MCMBP: variants seen among roughly 807,000 people sequenced by gnomAD.
MCMBP encodes minichromosome maintenance complex binding protein, also known as mini-chromosome maintenance complex-binding protein.
Under a neutral mutation model 81.3 loss-of-function variants are expected in MCMBP, and 31 were observed. The observed-to-expected ratio is 0.38, with a 90% CI of 0.29 to 0.51. The LOEUF is 0.51. Among genes scored for constraint, MCMBP ranks in the 20% least tolerant of loss-of-function variants. MCMBP has a pLI of 0.87. For synonymous variants in MCMBP, 267 were observed against 275.9 expected (o/e 0.97, Z 0.32); for missense variants, 645 against 772.1 (o/e 0.84, Z 1.95).
intron 5 of MCMBP, among the ~76,000 whole-genome samples, chr10:119,854,355 T>C (rs1852943807): frequency 6.6e-6 from 1 of 151,582 alleles, no homozygotes; most frequent in Non-Finnish European, 1.5e-5. Flanking sequence ...TTTTTTAAAA[T>C]AAATTATTAA....
At chr10:119,843,065 T>C (rs893442400) in intron 9 of MCMBP, 189 bp downstream of exon 9, 4 of 632,296 alleles carry the variant, frequency 6.3e-6, no homozygotes, top group Non-Finnish European at 1.1e-5. Flanking sequence ...GTATACTCTT[T>C]TGTCCTCATT....
upstream of MCMBP, chr10:119,873,577 G>A (rs1213229618): frequency 6.6e-6 from 1 of 152,286 alleles, no homozygotes; most frequent in Non-Finnish European, 1.5e-5. Flanking sequence ...CCTGGAGAAG[G>A]AAGCTACGAA....
At chr10:119,867,411 C>G (rs552742913) in intron 1 of MCMBP, among the ~76,000 whole-genome samples, 6 of 147,392 alleles carry the variant, frequency 4.1e-5, no homozygotes, top group Non-Finnish European at 8.9e-5. Context: ...GTTATTATAA[C>G]TTAAAAACTC....
chr10:119,833,746 G>A (rs1030953944), intron 14 of MCMBP, among the ~76,000 whole-genome samples: 1 of 152,136 alleles, frequency 6.6e-6, no homozygotes. Flanking sequence ...GGGGATAAGG[G>A]AGTCAGTAGA....
chr10:119,849,375 T>G, intron 7 of MCMBP, 50 bp downstream of exon 7: 1 of 1,568,442 alleles, frequency 6.4e-7, no homozygotes, highest in Middle Eastern at 1.7e-4. Flanking sequence ...CTAAGCTACT[T>G]TCTGAGACAC....
At chr10:119,839,702 A>G (rs947997105) in intron 11 of MCMBP, among the ~76,000 whole-genome samples, 3 of 152,260 alleles carry the variant, frequency 2.0e-5, no homozygotes, top group Non-Finnish European at 2.9e-5. Context: ...GAATTTTACC[A>G]TAGCAGACTA....
chr10:119,847,611 A>C lies in MCMBP; in HGVS notation c.827+2T>G. The C allele has an allele frequency of 6.4e-7, 1 of 1,569,712 alleles. No individual in the cohort carries two copies. The highest frequency in any genetic ancestry group is 8.7e-7 in the Non-Finnish European group (1 of 1,146,538). On this transcript the variant is annotated splice_donor_variant, in intron 8 of 15. Transcript: ENST00000369077. LOFTEE classifies it high-confidence loss of function. ...GACCAAAAAAAGAGCACACAGACTC[A>C]CCTTTCATCATTATTCAGTATACTC...
chr10:119,842,176 C>T (rs1359934349), intron 10 of MCMBP, among the ~76,000 whole-genome samples: 2 of 152,134 alleles, frequency 1.3e-5, no homozygotes, highest in Non-Finnish European at 2.9e-5. Flanking sequence ...ATCCCCACTC[C>T]GGTCCATGGA....
intron 3 of MCMBP, 30 bp downstream of exon 3, chr10:119,859,011 C>A (rs1340639237): frequency 6.2e-7 from 1 of 1,611,848 alleles, no homozygotes. Flanking sequence ...AAAATTAATA[C>A]CACAAATTCA....
chr10:119,858,960 C>G (rs1589796372), intron 3 of MCMBP, 35 bp from the exon 4 acceptor site: 6 of 1,608,628 alleles, frequency 3.7e-6, no homozygotes, highest in Non-Finnish European at 4.2e-6. Context: ...AGAATTATAT[C>G]AATATATCTG....
chr10:119,873,126 A>T (rs1853776344), upstream of MCMBP, among the ~76,000 whole-genome samples: 1 of 152,062 alleles, frequency 6.6e-6, no homozygotes, highest in Non-Finnish European at 1.5e-5. Flanking sequence ...AAGAGGGCAA[A>T]GCGAGTCTGC....
intron 1 of MCMBP, among the ~76,000 whole-genome samples, chr10:119,862,697 TG>T (rs1853304145): frequency 6.6e-6 from 1 of 152,202 alleles, no homozygotes; most frequent in Admixed American, 6.5e-5. Context: ...TTCTCTAGAA[TG>T]AGTATCTAGA....
chr10:119,872,357 G>A (rs1354962037), intron 1 of MCMBP, among the ~76,000 whole-genome samples, 170 bp downstream of exon 1: 1 of 151,958 alleles, frequency 6.6e-6, no homozygotes, highest in East Asian at 1.9e-4. Context: ...TGCCTGCTGC[G>A]ACCGGGGGAG....
At chr10:119,858,603 T>A (rs1853135515) in intron 4 of MCMBP, among the ~76,000 whole-genome samples, 1 of 152,154 alleles carries the variant, frequency 6.6e-6, no homozygotes, top group Admixed American at 6.6e-5. Flanking sequence ...TAAAAAGGAT[T>A]TAATTTTGCA....
chr10:119,848,161 C>A (rs1347891982), intron 7 of MCMBP, among the ~76,000 whole-genome samples: 29 of 135,258 alleles, frequency 2.1e-4, no homozygotes, highest in African/African-American at 1.4e-4. Flanking sequence ...AGATTTTTCA[C>A]AATTTAAAAA....
Position 119,831,394 on chromosome 10 carries a change from CAA to C in MCMBP, c.*78_*79del, listed in dbSNP as rs1040570085. 9 of 1,537,190 alleles carry C rather than the reference CAA, an allele frequency of 5.9e-6. No homozygotes were observed. The African/African-American group carries it at 1.2e-4, about 21-fold the overall frequency. On this transcript the variant is annotated 3_prime_UTR_variant, in exon 16 of 16. Coordinates refer to ENST00000369077, the MANE Select transcript of MCMBP (RefSeq NM_001256378.2). ...TTTGTGATAGAAATTACCTATAAAA[CAA>C]TGTGGTATAAATGAATATCTGAATT...
In MCMBP at chr10:119,859,830, T is replaced by G; in HGVS notation, c.113A>C (p.Glu38Ala). The G allele has an allele frequency of 6.2e-7, 1 of 1,613,478 alleles. No homozygotes were observed. Among genetic ancestry groups the G allele is most frequent in the Non-Finnish European group, 8.5e-7 (1 of 1,179,752 alleles). Residue 38 changes from glutamate (E) to alanine (A), a missense_variant, in exon 2 of 16, where the codon GAA becomes GCA. Coordinates refer to ENST00000369077, the MANE Select transcript of MCMBP (RefSeq NM_001256378.2). ...AGGAGCATTATTTTCCTTCAGCTTT[T>G]CCTTAAAATACTCAATTACTTTCTT... ...WEKKVIEYFK[E>A]KLKENNAPKW...
In MCMBP at chr10:119,837,033, C is replaced by A; in HGVS notation, c.1409-4G>T. On this transcript the variant is annotated splice_polypyrimidine_tract_variant and splice_region_variant and intron_variant, in intron 12 of 15. Transcript: ENST00000369077. ...AGGGCTGTCACATTATGAACACCTA[C>A]AAAGGCAGGAAAACACTTTCAGTCA... 1.9e-6 allele frequency: 3 copies of A among 1,611,594 alleles called. No individual in the cohort carries two copies. The highest frequency in any genetic ancestry group is 2.5e-6 in the Non-Finnish European group (3 of 1,179,096).
chr10:119,844,750 G>C (rs1852561501), intron 8 of MCMBP, among the ~76,000 whole-genome samples: 1 of 152,166 alleles, frequency 6.6e-6, no homozygotes, highest in Non-Finnish European at 1.5e-5. Flanking sequence ...CATAAAGGCA[G>C]GCATGTAAAG....
Sources: allele counts gnomAD v4.1 joint callset (sites outside exome capture counted in the v4.1 genomes callset), GRCh38; gene constraint gnomAD v4.1.1; transcripts MANE v1.5; gene names NCBI Gene and HGNC (gene_info 2026-07-23, HGNC 2026-07-21).